Variants in RAB38 observed in about 807,000 individuals in gnomAD.
The protein encoded by RAB38 is RAB38, member RAS oncogene family, also known as ras-related protein Rab-38.
In RAB38, 15 loss-of-function variants were observed where a neutral mutation model predicts 18.4. The observed-to-expected ratio is 0.82, with a 90% CI of 0.55 to 1.26. The LOEUF (loss-of-function observed/expected upper bound fraction) is 1.26, where lower values mean the gene tolerates loss of function less well. Among genes scored for constraint, RAB38 ranks in the 50% most tolerant of loss-of-function variants. RAB38 has a pLI of 0.00. For missense variants in RAB38, 294 were observed against 267.4 expected (o/e 1.10, Z -0.69); for synonymous variants, 101 against 104.4 (o/e 0.97, Z 0.20).
At chr11:87,888,823 T>G in the RAB38 span, among the ~76,000 whole-genome samples, 2 of 151,948 alleles carry the variant, frequency 1.3e-5, no homozygotes, top group African/African-American at 4.8e-5. Flanking sequence ...ATGGATTGGT[T>G]GTCTAAAAGG....
chr11:87,872,291 A>G, the RAB38 span, among the ~76,000 whole-genome samples: 2 of 151,532 alleles, frequency 1.3e-5, no homozygotes, highest in African/African-American at 4.8e-5. Context: ...TTTTTCCTAT[A>G]GACTATATTT....
At chr11:87,963,003 A>C in the RAB38 span, among the ~76,000 whole-genome samples, 1 of 152,174 alleles carries the variant, frequency 6.6e-6, no homozygotes, top group Non-Finnish European at 1.5e-5. Context: ...ATGAGGACTA[A>C]AGATGAGACT....
the RAB38 span, among the ~76,000 whole-genome samples, chr11:87,840,256 T>C: frequency 6.4e-4 from 98 of 152,288 alleles, no homozygotes; most frequent in Admixed American, 1.4e-3. Context: ...TTTTTGGCAT[T>C]TGAGCTAGAG....
At chr11:87,899,196 C>T in the RAB38 span, among the ~76,000 whole-genome samples, 6 of 151,564 alleles carry the variant, frequency 4.0e-5, no homozygotes, top group Non-Finnish European at 7.4e-5. Flanking sequence ...GTTTACTGCA[C>T]CGGGTGCAAA....
At chr11:88,125,486 C>T (rs553938952) in intron 2 of RAB38, among the ~76,000 whole-genome samples, 1 of 152,274 alleles carries the variant, frequency 6.6e-6, no homozygotes, top group South Asian at 2.1e-4. Flanking sequence ...TATCCTCTAG[C>T]TTCAGAATTG....
the RAB38 span, among the ~76,000 whole-genome samples, chr11:87,888,638 C>T: frequency 1.3e-5 from 2 of 151,866 alleles, no homozygotes; most frequent in Non-Finnish European, 2.9e-5. Context: ...CGTTCAAGAA[C>T]AAGGGGATTA....
chr11:87,851,916 A>C, the RAB38 span, among the ~76,000 whole-genome samples: 6 of 152,274 alleles, frequency 3.9e-5, no homozygotes, highest in East Asian at 9.6e-4. Context: ...AAAACATACA[A>C]ATTTATTTAA....
chr11:88,081,842 C>A, the RAB38 span, among the ~76,000 whole-genome samples: 2 of 151,818 alleles, frequency 1.3e-5, no homozygotes, highest in Non-Finnish European at 2.9e-5. Flanking sequence ...TTCATAAAAA[C>A]CAAAATCTGG....
At chr11:88,062,379 T>G in the RAB38 span, among the ~76,000 whole-genome samples, 1 of 152,186 alleles carries the variant, frequency 6.6e-6, no homozygotes, top group African/African-American at 2.4e-5. Context: ...CTAAGTTTCC[T>G]GAGGCCTCCC....
intron 1 of RAB38, 139 bp downstream of exon 1, chr11:88,175,044 C>G (rs1237814507): frequency 9.1e-7 from 1 of 1,095,336 alleles, no homozygotes. Flanking sequence ...TTCTTTGAAA[C>G]TAAGTTTCCA....
the RAB38 span, among the ~76,000 whole-genome samples, chr11:87,958,327 T>A: frequency 1.3e-4 from 20 of 152,204 alleles, no homozygotes; most frequent in Non-Finnish European, 2.5e-4. Context: ...ATTTTCAACA[T>A]ATGATGGGTT....
chr11:88,153,140 T>G (rs1266499188), intron 1 of RAB38, among the ~76,000 whole-genome samples: 3 of 152,228 alleles, frequency 2.0e-5, no homozygotes, highest in Non-Finnish European at 4.4e-5. Flanking sequence ...GGTCTTAATT[T>G]TACTTACTGG....
chr11:88,011,772 A>G, the RAB38 span, among the ~76,000 whole-genome samples: 1 of 152,168 alleles, frequency 6.6e-6, no homozygotes, highest in Admixed American at 6.5e-5. Flanking sequence ...AGGGTAGAAA[A>G]TTAAGGTTCA....
intron 2 of RAB38, among the ~76,000 whole-genome samples, chr11:88,125,909 G>C (rs1478601068): frequency 6.6e-6 from 1 of 152,154 alleles, no homozygotes; most frequent in East Asian, 1.9e-4. Flanking sequence ...GTAAGGAAGG[G>C]ATCCAGTTTC....
the RAB38 span, among the ~76,000 whole-genome samples, chr11:87,897,158 C>A: frequency 6.6e-6 from 1 of 151,120 alleles, no homozygotes; most frequent in Non-Finnish European, 1.5e-5. Context: ...CAGATTTAAC[C>A]CCCCCCAAAC....
At chr11:87,955,001 T>A in the RAB38 span, among the ~76,000 whole-genome samples, 2 of 152,162 alleles carry the variant, frequency 1.3e-5, no homozygotes, top group African/African-American at 4.8e-5. Flanking sequence ...GGAGTAAATT[T>A]GGTGAAAAGA....
the RAB38 span, among the ~76,000 whole-genome samples, chr11:88,084,926 C>T: frequency 6.6e-6 from 1 of 151,654 alleles, no homozygotes. Context: ...TATTTTGATC[C>T]CATTTTATAA....
chr11:88,022,611 CAAAAA>C, the RAB38 span, among the ~76,000 whole-genome samples: 2 of 52,092 alleles, frequency 3.8e-5, no homozygotes, highest in Non-Finnish European at 6.8e-5. Context: ...AAAGACCCCA[CAAAAA>C]AAAAAAAAAA....
At chr11:88,108,063 G>A in the RAB38 span, among the ~76,000 whole-genome samples, 2 of 152,168 alleles carry the variant, frequency 1.3e-5, no homozygotes, top group East Asian at 1.9e-4. Context: ...TTTAGAATAA[G>A]TGCAACGTGG....
Sources: gnomAD v4.1 joint callset for allele counts (sites outside exome capture counted in the v4.1 genomes callset) on GRCh38, gnomAD v4.1.1 for gene constraint, MANE v1.5 for transcripts, NCBI Gene and HGNC (gene_info 2026-07-23, HGNC 2026-07-21) for gene names.